Variants in SAMD4A observed in about 807,000 individuals in gnomAD.
SAMD4A encodes protein Smaug homolog 1.
In SAMD4A, 33 loss-of-function variants were observed where a neutral mutation model predicts 81.3. That is an observed-to-expected ratio of 0.41 (90% CI 0.31 to 0.54). SAMD4A has a LOEUF of 0.54. Ranked by LOEUF, SAMD4A falls within the 20% of genes least tolerant of loss-of-function variation. SAMD4A has a pLI of 0.37. For synonymous variants in SAMD4A, 389 were observed against 382.1 expected, an observed-to-expected ratio of 1.02 and a Z score of -0.21; for missense variants, 854 against 951.1, an observed-to-expected ratio of 0.90 and a Z score of 1.34.
rs1410325655 is a variant in SAMD4A at position 54,792,215 on chromosome 14, G to A, written c.*3271G>A. 1 of 152,168 alleles carries A rather than the reference G, an allele frequency of 6.6e-6. No individual in the cohort carries two copies. The highest frequency in any genetic ancestry group is 1.5e-5 in the Non-Finnish European group (1 of 68,034). 9.4% of individuals were successfully genotyped at this position (152,168 alleles called of 1,614,324 possible). On this transcript the variant is annotated 3_prime_UTR_variant, in exon 13 of 13. Transcript: ENST00000554335. Reference sequence around the variant, plus strand: ...GCCAGCAAGCAAAATAGATGTGGCTGGGTCTGCCTGTCCGGGCGGCTCTTT... The same window carrying A: ...GCCAGCAAGCAAAATAGATGTGGCTAGGTCTGCCTGTCCGGGCGGCTCTTT...
intron 3 of SAMD4A, among the ~76,000 whole-genome samples, chr14:54,716,991 T>A (rs1030586916): frequency 6.6e-6 from 1 of 152,172 alleles, no homozygotes; most frequent in African/African-American, 2.4e-5. Context: ...ACATGATGAT[T>A]TGGCCAGAAT....
intron 2 of SAMD4A, among the ~76,000 whole-genome samples, chr14:54,654,066 C>T (rs535066295): frequency 6.6e-6 from 1 of 152,316 alleles, no homozygotes; most frequent in South Asian, 2.1e-4. Flanking sequence ...GAGTCTCCGG[C>T]TGGGTTCTCA....
chr14:54,616,432 A>G (rs373208185), intron 2 of SAMD4A, among the ~76,000 whole-genome samples: 25 of 152,302 alleles, frequency 1.6e-4, no homozygotes, highest in African/African-American at 5.8e-4. Context: ...TTAGAAGCCT[A>G]TTCTGCCAGT....
chr14:54,754,429 T>G (rs758333247), intron 6 of SAMD4A, among the ~76,000 whole-genome samples: 1 of 152,180 alleles, frequency 6.6e-6, no homozygotes, highest in Admixed American at 6.5e-5. Context: ...CTGGTTGAGC[T>G]TGCATCAGAA....
intron 2 of SAMD4A, among the ~76,000 whole-genome samples, chr14:54,626,201 T>C (rs2034760792): frequency 6.6e-6 from 1 of 152,190 alleles, no homozygotes; most frequent in Admixed American, 6.5e-5. Context: ...TAGCACCAGT[T>C]ACAGGGTCAT....
chr14:54,661,843 G>A (rs2035649074), intron 2 of SAMD4A, among the ~76,000 whole-genome samples: 1 of 152,138 alleles, frequency 6.6e-6, no homozygotes. Flanking sequence ...TGTTTACCAG[G>A]TGCCGAATGC....
intron 2 of SAMD4A, among the ~76,000 whole-genome samples, chr14:54,597,875 A>G (rs1594712436): frequency 6.6e-6 from 1 of 152,102 alleles, no homozygotes; most frequent in Non-Finnish European, 1.5e-5. Flanking sequence ...GGCATGAGCC[A>G]TCACACTGGC....
intron 2 of SAMD4A, among the ~76,000 whole-genome samples, chr14:54,680,003 A>G (rs2036092086): frequency 6.6e-6 from 1 of 152,226 alleles, no homozygotes; most frequent in Non-Finnish European, 1.5e-5. Context: ...GCATCAAGAA[A>G]AGATGGAGCA....
chr14:54,594,891 C>T (rs976072790), intron 2 of SAMD4A, among the ~76,000 whole-genome samples: 1 of 152,170 alleles, frequency 6.6e-6, no homozygotes, highest in Non-Finnish European at 1.5e-5. Flanking sequence ...TCAAATAATA[C>T]ATCTTACAAG....
At chr14:54,690,859 A>G (rs1477752917) in intron 2 of SAMD4A, among the ~76,000 whole-genome samples, 1 of 152,202 alleles carries the variant, frequency 6.6e-6, no homozygotes, top group African/African-American at 2.4e-5. Flanking sequence ...TCACTGAGCC[A>G]TGTGTCTCAG....
chr14:54,711,291 A>C lies in SAMD4A; in HGVS notation c.715+8711A>C, dbSNP rs543720466. Reference sequence around the variant, plus strand: ...GCTCCTTTTTGACTTATTTGACCAAATCAGTTTCAATACTAACAGACTTTT... The same window carrying C: ...GCTCCTTTTTGACTTATTTGACCAACTCAGTTTCAATACTAACAGACTTTT... On this transcript the variant is annotated intron_variant, in intron 3 of 12. Coordinates refer to ENST00000554335, the MANE Select transcript of SAMD4A (RefSeq NM_015589.6). Among the ~76,000 whole-genome samples the C allele has an allele frequency of 2.1e-3, 324 of 152,288 alleles. 2 individuals carry two copies. Among genetic ancestry groups the C allele is most frequent in the African/African-American group, 7.6e-3 (315 of 41,558 alleles).
At chr14:54,649,569 A>G (rs531741022) in intron 2 of SAMD4A, among the ~76,000 whole-genome samples, 1 of 152,340 alleles carries the variant, frequency 6.6e-6, no homozygotes, top group African/African-American at 2.4e-5. Context: ...GCAACTGGGT[A>G]GAAGTCAAGC....
chr14:54,779,327 A>G (rs1196577625), intron 11 of SAMD4A, among the ~76,000 whole-genome samples: 6 of 152,234 alleles, frequency 3.9e-5, no homozygotes, highest in Non-Finnish European at 7.3e-5. Context: ...TGAGATGTGT[A>G]ACTAACCCAA....
chr14:54,779,768 C>G (rs1245373867), intron 11 of SAMD4A, among the ~76,000 whole-genome samples: 2 of 151,790 alleles, frequency 1.3e-5, no homozygotes, highest in East Asian at 3.9e-4. Context: ...GCAACCTCCA[C>G]CTTCACATGG....
chr14:54,779,697 T>C (rs1330058673), intron 11 of SAMD4A, among the ~76,000 whole-genome samples: 66 of 140,602 alleles, frequency 4.7e-4, no homozygotes, highest in South Asian at 9.0e-4. Context: ...TTTTTTTTTT[T>C]CGAGACGGAG....
At chr14:54,648,039 C>A (rs933300381) in intron 2 of SAMD4A, among the ~76,000 whole-genome samples, 4 of 152,196 alleles carry the variant, frequency 2.6e-5, no homozygotes, top group African/African-American at 9.7e-5. Context: ...GTGCTTAGTG[C>A]AGCTGAAGAA....
At chr14:54,607,508 T>G (rs7144614) in intron 2 of SAMD4A, among the ~76,000 whole-genome samples, 18,792 of 149,608 alleles carry the variant, frequency 0.13, 1,605 homozygotes, top group East Asian at 0.38. Flanking sequence ...CAGGCTGGAG[T>G]GCAGTGGCAC....
chr14:54,723,198 A>T (rs2037307131), intron 3 of SAMD4A, among the ~76,000 whole-genome samples: 1 of 152,110 alleles, frequency 6.6e-6, no homozygotes, highest in African/African-American at 2.4e-5. Context: ...TTTTTTGTGT[A>T]GATGCTTGCC....
chr14:54,749,656 A>C (rs1232762253), intron 5 of SAMD4A, among the ~76,000 whole-genome samples: 2 of 152,244 alleles, frequency 1.3e-5, no homozygotes, highest in Non-Finnish European at 2.9e-5. Context: ...CAGTCAACAG[A>C]ACCCCTGAAA....
Sources: allele counts gnomAD v4.1 joint callset (sites outside exome capture counted in the v4.1 genomes callset), GRCh38; gene constraint gnomAD v4.1.1; transcripts MANE v1.5; gene names NCBI Gene and HGNC (gene_info 2026-07-23, HGNC 2026-07-21).